Variants in ATP11C observed in about 807,000 individuals in gnomAD.
ATP11C encodes ATPase phospholipid transporting 11C (ATP11C blood group).
A neutral mutation model predicts 97.4 loss-of-function variants in ATP11C; 36 were observed. The ratio of observed to expected loss-of-function variants is 0.37; its 90% CI spans 0.28 to 0.49. The LOEUF is 0.49. Among genes scored for constraint, ATP11C ranks in the 20% least tolerant of loss-of-function variants. The pLI, the probability that ATP11C is intolerant of heterozygous loss-of-function variation, is 0.98. For missense variants in ATP11C, 730 were observed against 824.6 expected (o/e 0.89, Z 1.40); for synonymous variants, 275 against 290.9 (o/e 0.95, Z 0.56).
rs1238545584 is a variant in ATP11C at position 139,932,416 on chromosome X, AG to A, written c.-375del. 1 of 108,694 alleles carries A rather than the reference AG, an allele frequency of 9.2e-6. No individual in the cohort carries two copies. Among genetic ancestry groups the A allele is most frequent in the African/African-American group, 3.3e-5 (1 of 29,914 alleles). 9.0% of individuals were successfully genotyped at this position (108,694 alleles called of 1,213,427 possible). On this transcript the variant is annotated 5_prime_UTR_variant, in exon 1 of 30. Coordinates refer to ENST00000682941, the MANE Select transcript of ATP11C (RefSeq NM_001353812.2). The stretch of plus-strand genomic sequence containing the variant: ...GGAGCGCGAGGCTCCTCCTGTGGGG[AG>A]GGGGCGCCCCCGTCTCTCCGCCAGC...
intron 8 of ATP11C, among the ~76,000 whole-genome samples, chrX:139,799,558 C>CT (rs1409098514): frequency 2.8e-5 from 3 of 108,810 alleles, no homozygotes; most frequent in Non-Finnish European, 5.7e-5. Flanking sequence ...AGCATTACTT[C>CT]TAACAGCCCC....
At chrX:139,828,146 T>C (rs2083570048) in intron 1 of ATP11C, among the ~76,000 whole-genome samples, 2 of 111,652 alleles carry the variant, frequency 1.8e-5, no homozygotes, top group Non-Finnish European at 3.8e-5. Flanking sequence ...CCTGGAGACC[T>C]GGAAAAAGTC....
chrX:139,736,758 A>G (rs2081452294), intron 28 of ATP11C, among the ~76,000 whole-genome samples: 1 of 111,394 alleles, frequency 9.0e-6, no homozygotes, highest in Non-Finnish European at 1.9e-5. Context: ...GTTAAGGGCA[A>G]TTCTGGCCAC....
intron 5 of ATP11C, among the ~76,000 whole-genome samples, chrX:139,814,292 G>A (rs2083238246): frequency 2.7e-5 from 3 of 111,035 alleles, no homozygotes; most frequent in African/African-American, 9.8e-5. Flanking sequence ...TTGCTGATGG[G>A]AATGTAAAAT....
intron 1 of ATP11C, among the ~76,000 whole-genome samples, chrX:139,930,823 T>C (rs1042859940): frequency 7.1e-5 from 8 of 112,485 alleles, no homozygotes; most frequent in African/African-American, 2.6e-4. Flanking sequence ...TTAGCCAGTG[T>C]ACACTTGTGA....
intron 5 of ATP11C, among the ~76,000 whole-genome samples, chrX:139,810,069 A>G (rs1471011916): frequency 8.9e-6 from 1 of 112,566 alleles, no homozygotes; most frequent in Non-Finnish European, 1.9e-5. Flanking sequence ...TATAAAATGT[A>G]AAAGTAAAAC....
chrX:139,733,767 G>A (rs2081391968), intron 28 of ATP11C, among the ~76,000 whole-genome samples: 1 of 111,798 alleles, frequency 8.9e-6, no homozygotes, highest in African/African-American at 3.2e-5. Flanking sequence ...GACTGCAACT[G>A]TAAGCACGTT....
chrX:139,875,352 T>A (rs1259885423), intron 1 of ATP11C, among the ~76,000 whole-genome samples: 3 of 106,025 alleles, frequency 2.8e-5, no homozygotes, highest in Non-Finnish European at 5.8e-5. Context: ...TCCCAGCAGT[T>A]TGGGAGGCCG....
intron 1 of ATP11C, 150 bp downstream of exon 1, chrX:139,931,866 G>T: frequency 1.4e-6 from 1 of 724,987 alleles, no homozygotes; most frequent in Non-Finnish European, 1.9e-6. Flanking sequence ...CGGCCGCCTG[G>T]GCACCGTGTT....
At chrX:139,763,198 T>C in intron 21 of ATP11C, 118 bp downstream of exon 21, 1 of 517,597 alleles carries the variant, frequency 1.9e-6, no homozygotes. Flanking sequence ...ACAATTATCA[T>C]TCCAAAATTC....
intron 1 of ATP11C, among the ~76,000 whole-genome samples, chrX:139,827,340 T>C (rs58321149): frequency 0.016 from 1,790 of 112,287 alleles, 30 homozygotes; most frequent in African/African-American, 0.054. Flanking sequence ...ATTGAAGAAA[T>C]GATCGACTTT....
intron 18 of ATP11C, among the ~76,000 whole-genome samples, chrX:139,775,571 G>T (rs777034370): frequency 8.9e-6 from 1 of 112,773 alleles, no homozygotes; most frequent in East Asian, 2.8e-4. Flanking sequence ...GAAAAGGGAA[G>T]AAGCGAGAGT....
chrX:139,772,264 C>T (rs997609860), intron 19 of ATP11C, among the ~76,000 whole-genome samples: 4 of 112,506 alleles, frequency 3.6e-5, no homozygotes, highest in Admixed American at 9.3e-5. Context: ...ATTTGGGAAC[C>T]TCCACCTAGA....
At chrX:139,877,953 A>C (rs1025532217) in intron 1 of ATP11C, among the ~76,000 whole-genome samples, 1 of 111,229 alleles carries the variant, frequency 9.0e-6, no homozygotes, top group Non-Finnish European at 1.9e-5. Flanking sequence ...AAACCGGAAG[A>C]GGGAGGTTGC....
At chrX:139,840,320 G>A (rs1020630791) in intron 1 of ATP11C, among the ~76,000 whole-genome samples, 53 of 112,252 alleles carry the variant, frequency 4.7e-4, no homozygotes, top group African/African-American at 1.6e-3. Context: ...AGTCTACTAC[G>A]ACACTTTAGT....
At chrX:139,782,062 C>T (rs922701386) in intron 18 of ATP11C, among the ~76,000 whole-genome samples, 1 of 111,781 alleles carries the variant, frequency 8.9e-6, no homozygotes, top group Non-Finnish European at 1.9e-5. Context: ...TGTGGTGGCT[C>T]ACGCCTGTAA....
In ATP11C at chrX:139,913,023, G is replaced by A. The variant is rs73243396; in HGVS notation, c.27+18993C>T. On this transcript the variant is annotated intron_variant, in intron 1 of 29. Coordinates refer to ENST00000682941, the MANE Select transcript of ATP11C (RefSeq NM_001353812.2). ...ATAAACATGGCACCCAATTCAGCTCGACCAAATTACCACTTGTTCTCAAGT... is the reference window on the plus strand; with the variant it reads ...ATAAACATGGCACCCAATTCAGCTCAACCAAATTACCACTTGTTCTCAAGT... Among the ~76,000 whole-genome samples the A allele has an allele frequency of 1.5e-3, 172 of 111,731 alleles. 1 individual carries two copies. Among genetic ancestry groups the A allele is most frequent in the Non-Finnish European group, 2.5e-3 (131 of 53,173 alleles).
intron 12 of ATP11C, among the ~76,000 whole-genome samples, chrX:139,795,761 G>A (rs769449578): frequency 9.0e-6 from 1 of 111,660 alleles, no homozygotes; most frequent in Non-Finnish European, 1.9e-5. Flanking sequence ...GCATTTTGAG[G>A]AGTACATGCC....
chrX:139,846,653 A>C (rs995724911), intron 1 of ATP11C, among the ~76,000 whole-genome samples: 1 of 111,878 alleles, frequency 8.9e-6, no homozygotes, highest in Non-Finnish European at 1.9e-5. Context: ...AATACATTTA[A>C]AATTTAAAAG....
Sources: allele counts gnomAD v4.1 joint callset (sites outside exome capture counted in the v4.1 genomes callset), GRCh38; gene constraint gnomAD v4.1.1; transcripts MANE v1.5; gene names NCBI Gene and HGNC (gene_info 2026-07-23, HGNC 2026-07-21).